Variants in TRPC5 observed in about 807,000 individuals in gnomAD.
TRPC5 encodes the protein short transient receptor potential channel 5.
Under a neutral mutation model 56.5 loss-of-function variants are expected in TRPC5, and 9 were observed. The ratio of observed to expected loss-of-function variants is 0.16; its 90% CI spans 0.10 to 0.28. The LOEUF (loss-of-function observed/expected upper bound fraction) is 0.28. TRPC5 is among the 10% of genes least tolerant of loss of function. The pLI, the probability that TRPC5 is intolerant of heterozygous loss-of-function variation, is 1.00. For missense variants in TRPC5, 469 were observed against 748.9 expected, an observed-to-expected ratio of 0.63 and a Z score of 4.36; for synonymous variants, 282 against 278.5, an observed-to-expected ratio of 1.01 and a Z score of -0.13.
At chrX:111,987,498 C>T (rs972343105) in intron 1 of TRPC5, among the ~76,000 whole-genome samples, 2 of 110,844 alleles carry the variant, frequency 1.8e-5, no homozygotes, top group African/African-American at 6.6e-5. Context: ...ACCTTTGTAC[C>T]TTTTGACCTT....
At chrX:111,905,680 C>A (rs1427479631) in intron 3 of TRPC5, among the ~76,000 whole-genome samples, 1 of 110,649 alleles carries the variant, frequency 9.0e-6, no homozygotes, top group South Asian at 3.8e-4. Context: ...TTTGGGAGGC[C>A]AAGGCAAGTG....
At chrX:111,778,560 T>G (rs773100810) in intron 10 of TRPC5, among the ~76,000 whole-genome samples, 1 of 111,972 alleles carries the variant, frequency 8.9e-6, no homozygotes, top group Admixed American at 9.5e-5. Context: ...AGTATAATTT[T>G]AATGTTTAAT....
chrX:111,973,513 C>A (rs1314624934), intron 1 of TRPC5, among the ~76,000 whole-genome samples: 2 of 111,083 alleles, frequency 1.8e-5, no homozygotes, highest in East Asian at 5.6e-4. Context: ...AGCTTAATGC[C>A]CTTGGTGAGC....
intron 1 of TRPC5, among the ~76,000 whole-genome samples, chrX:111,978,576 CA>C (rs1057163832): frequency 5.4e-5 from 6 of 111,257 alleles, no homozygotes; most frequent in Admixed American, 1.9e-4. Flanking sequence ...TATGTCCATA[CA>C]AAAAAATTGT....
At chrX:111,998,807 A>G (rs1450776416) in intron 1 of TRPC5, among the ~76,000 whole-genome samples, 2 of 112,280 alleles carry the variant, frequency 1.8e-5, no homozygotes, top group African/African-American at 6.5e-5. Flanking sequence ...CCCCATGCAT[A>G]CCAATGGATG....
intron 1 of TRPC5, among the ~76,000 whole-genome samples, chrX:112,059,631 C>G (rs1433085648): frequency 9.0e-6 from 1 of 111,424 alleles, no homozygotes. Flanking sequence ...TCTGATAACC[C>G]CAAATCTCCA....
chrX:112,029,033 G>T (rs1342762462), intron 1 of TRPC5, among the ~76,000 whole-genome samples: 4 of 112,248 alleles, frequency 3.6e-5, no homozygotes, highest in African/African-American at 1.3e-4. Flanking sequence ...AATACGCAAT[G>T]TATTATTGAC....
chrX:112,081,623 A>G (rs904216137), intron 1 of TRPC5, among the ~76,000 whole-genome samples: 1 of 111,483 alleles, frequency 9.0e-6, no homozygotes, highest in African/African-American at 3.3e-5. Flanking sequence ...TTCCCAGTGA[A>G]AGGATGTTTT....
chrX:111,904,845 T>C (rs1718970350), intron 3 of TRPC5, among the ~76,000 whole-genome samples: 1 of 112,049 alleles, frequency 8.9e-6, no homozygotes, highest in South Asian at 3.7e-4. Context: ...TGAAAGTCTA[T>C]TTGATATGAA....
At chrX:112,066,316 T>C (rs745812878) in intron 1 of TRPC5, among the ~76,000 whole-genome samples, 3 of 111,465 alleles carry the variant, frequency 2.7e-5, no homozygotes, top group Non-Finnish European at 5.6e-5. Flanking sequence ...TCATGAAATC[T>C]ATATTTCATT....
In TRPC5 at chrX:112,048,399, C is replaced by CAAAAAAAAAAAA. The variant is rs58537492; in HGVS notation, c.-22+33468_-22+33479dup. Among the ~76,000 whole-genome samples, 104 of 21,480 alleles carry CAAAAAAAAAAAA rather than the reference C, an allele frequency of 4.8e-3. 5 individuals carry two copies. Among genetic ancestry groups the CAAAAAAAAAAAA allele is most frequent in the Non-Finnish European group, 8.2e-3 (98 of 11,932 alleles). 18.7% of individuals were successfully genotyped at this position (21,480 alleles called of 115,157 possible). ...CTGGCGACAGAGCAAGACTCCGTAT[C>CAAAAAAAAAAAA]AAAAAAAAAAAAAAAAAAAAAAAAA... On this transcript the variant is annotated intron_variant, in intron 1 of 10. Coordinates refer to ENST00000262839, the MANE Select transcript of TRPC5 (RefSeq NM_012471.3).
intron 1 of TRPC5, among the ~76,000 whole-genome samples, chrX:112,053,247 T>C (rs764200926): frequency 8.9e-6 from 1 of 112,181 alleles, no homozygotes; most frequent in African/African-American, 3.2e-5. Flanking sequence ...TGGTTCAAAT[T>C]CCAGAATGTG....
chrX:111,982,292 T>C (rs1225014984), intron 1 of TRPC5, among the ~76,000 whole-genome samples: 1 of 112,282 alleles, frequency 8.9e-6, no homozygotes, highest in Non-Finnish European at 1.9e-5. Flanking sequence ...TTCTAATTTC[T>C]GTAACTGGCC....
At chrX:111,885,544 T>C (rs1438349394) in intron 3 of TRPC5, among the ~76,000 whole-genome samples, 4 of 97,201 alleles carry the variant, frequency 4.1e-5, no homozygotes, top group Non-Finnish European at 8.8e-5. Flanking sequence ...ATCAAAGGGT[T>C]TTTTTTTTTT....
intron 7 of TRPC5, among the ~76,000 whole-genome samples, chrX:111,813,416 G>A (rs1302440641): frequency 8.9e-6 from 1 of 111,925 alleles, no homozygotes; most frequent in Non-Finnish European, 1.9e-5. Context: ...AAATGTTGTT[G>A]ATTTGTCCAG....
intron 2 of TRPC5, among the ~76,000 whole-genome samples, chrX:111,947,905 G>A (rs1926972241): frequency 8.9e-6 from 1 of 111,872 alleles, no homozygotes; most frequent in African/African-American, 3.2e-5. Context: ...CTTTACTCAA[G>A]GAACTTTTAT....
At chrX:111,914,803 A>G (rs1925926128) in intron 2 of TRPC5, among the ~76,000 whole-genome samples, 1 of 111,826 alleles carries the variant, frequency 8.9e-6, no homozygotes, top group Non-Finnish European at 1.9e-5. Flanking sequence ...TCTGGAAATG[A>G]ACATAAACAC....
At chrX:112,073,765 A>C (rs1044181595) in intron 1 of TRPC5, among the ~76,000 whole-genome samples, 2 of 111,604 alleles carry the variant, frequency 1.8e-5, no homozygotes, top group Admixed American at 9.5e-5. Context: ...ATCAAAGCTT[A>C]TTACCAACTT....
At chrX:111,847,689 G>A (rs1272871952) in intron 5 of TRPC5, among the ~76,000 whole-genome samples, 1 of 111,616 alleles carries the variant, frequency 9.0e-6, no homozygotes, top group African/African-American at 3.3e-5. Flanking sequence ...ATAAATTTTA[G>A]ATCAATCATC....
Sources: allele counts gnomAD v4.1 joint callset (sites outside exome capture counted in the v4.1 genomes callset), GRCh38; gene constraint gnomAD v4.1.1; transcripts MANE v1.5; gene names NCBI Gene and HGNC (gene_info 2026-07-23, HGNC 2026-07-21).